Variants in PPHLN1 observed in about 807,000 individuals in gnomAD.
PPHLN1 encodes the protein periphilin 1, also known as periphilin-1.
Under a neutral mutation model 51.3 loss-of-function variants are expected in PPHLN1, and 29 were observed. The observed-to-expected ratio is 0.57, with a 90% CI of 0.42 to 0.77. The LOEUF is 0.77. PPHLN1 is among the 30% of genes least tolerant of loss of function. The pLI, the probability that PPHLN1 is intolerant of heterozygous loss-of-function variation, is 0.00. For missense variants in PPHLN1, 436 were observed against 438.4 expected, an observed-to-expected ratio of 0.99 and a Z score of 0.05; for synonymous variants, 147 against 147.8, an observed-to-expected ratio of 0.99 and a Z score of 0.04.
intron 9 of PPHLN1, among the ~76,000 whole-genome samples, chr12:42,423,492 T>C (rs970153456): frequency 3.5e-4 from 53 of 152,322 alleles, no homozygotes; most frequent in African/African-American, 1.2e-3. Context: ...TATTGTATGT[T>C]ACCTAATTGA....
At chr12:42,412,289 C>CT (rs113445601) in intron 9 of PPHLN1, among the ~76,000 whole-genome samples, 30,236 of 152,040 alleles carry the variant, frequency 0.2, 3,398 homozygotes, top group African/African-American at 0.3. Context: ...TTATACCACT[C>CT]TGTCTGCCTT....
chr12:42,382,944 T>G (rs1416308740), intron 5 of PPHLN1, among the ~76,000 whole-genome samples: 1 of 152,200 alleles, frequency 6.6e-6, no homozygotes, highest in Non-Finnish European at 1.5e-5. Context: ...CTATTATCTC[T>G]TGTTGTGTTA....
At chr12:42,396,530 C>T (rs1362141345) in intron 8 of PPHLN1, among the ~76,000 whole-genome samples, 1 of 141,604 alleles carries the variant, frequency 7.1e-6, no homozygotes, top group Non-Finnish European at 1.5e-5. Context: ...TTAGAATGTC[C>T]TGGTAGATGA....
chr12:42,358,858 G>C (rs1290668606), intron 4 of PPHLN1, among the ~76,000 whole-genome samples: 1 of 151,964 alleles, frequency 6.6e-6, no homozygotes, highest in Non-Finnish European at 1.5e-5. Flanking sequence ...TTACGAGATA[G>C]GTTACTAGAA....
At chr12:42,372,026 A>G (rs557480160) in intron 4 of PPHLN1, among the ~76,000 whole-genome samples, 2 of 151,562 alleles carry the variant, frequency 1.3e-5, no homozygotes, top group African/African-American at 4.8e-5. Context: ...TTTGGTCCTC[A>G]CCCCCTCTCA....
chr12:42,426,759 C>T (rs2081535009), intron 9 of PPHLN1, among the ~76,000 whole-genome samples: 1 of 152,198 alleles, frequency 6.6e-6, no homozygotes, highest in African/African-American at 2.4e-5. Context: ...GGTGGTGAGG[C>T]CTCCCTGAAT....
chr12:42,443,448 T>A (rs1441298893), downstream of PPHLN1: 2 of 152,216 alleles, frequency 1.3e-5, no homozygotes, highest in African/African-American at 2.4e-5. Context: ...GCAGACAACT[T>A]CCATATAACC....
intron 4 of PPHLN1, among the ~76,000 whole-genome samples, chr12:42,360,120 A>AAAAAAAG (rs1445470393): frequency 4.0e-5 from 6 of 151,148 alleles, no homozygotes; most frequent in African/African-American, 1.5e-4. Context: ...CAAAAAAAAA[A>AAAAAAAG]AAAGAAAAAT....
intron 2 of PPHLN1, among the ~76,000 whole-genome samples, chr12:42,338,785 G>A (rs1020728299): frequency 5.9e-5 from 9 of 152,122 alleles, no homozygotes; most frequent in South Asian, 2.1e-4. Context: ...TATGGGCCCC[G>A]TCTTAGATAA....
At chr12:42,434,751 C>T (rs1042476835) in intron 9 of PPHLN1, among the ~76,000 whole-genome samples, 15 of 152,118 alleles carry the variant, frequency 9.9e-5, no homozygotes, top group South Asian at 2.1e-4. Flanking sequence ...TGGAGTGCAA[C>T]GGCGCGATCT....
chr12:42,360,302 A>T (rs1411961597), intron 4 of PPHLN1, among the ~76,000 whole-genome samples: 1 of 150,196 alleles, frequency 6.7e-6, no homozygotes, highest in Non-Finnish European at 1.5e-5. Flanking sequence ...CTTGATTTTT[A>T]TGGTTTAGTG....
At chr12:42,396,196 C>T (rs887806345) in intron 8 of PPHLN1, among the ~76,000 whole-genome samples, 7 of 152,144 alleles carry the variant, frequency 4.6e-5, no homozygotes, top group East Asian at 3.9e-4. Flanking sequence ...ATATGTTCAT[C>T]GGTGTTCAGT....
chr12:42,334,552 A>G (rs2070300731), intron 1 of PPHLN1, among the ~76,000 whole-genome samples: 1 of 152,180 alleles, frequency 6.6e-6, no homozygotes, highest in Non-Finnish European at 1.5e-5. Flanking sequence ...GTCAAAATGG[A>G]GTAGCTATCT....
chr12:42,349,551 G>GCGGCCTTC (rs1555184458), intron 2 of PPHLN1, among the ~76,000 whole-genome samples: 1 of 150,978 alleles, frequency 6.6e-6, no homozygotes, highest in South Asian at 2.1e-4. Flanking sequence ...AGAGGACCCT[G>GCGGCCTTC]CGGCCTTCCG....
At chr12:42,423,659 G>A (rs2081188646) in intron 9 of PPHLN1, among the ~76,000 whole-genome samples, 1 of 150,776 alleles carries the variant, frequency 6.6e-6, no homozygotes, top group African/African-American at 2.4e-5. Context: ...ATTAGTAATT[G>A]TTTAGCTTTT....
At chr12:42,388,612 T>C (rs2077401246) in intron 7 of PPHLN1, among the ~76,000 whole-genome samples, 2 of 152,128 alleles carry the variant, frequency 1.3e-5, no homozygotes, top group Admixed American at 1.3e-4. Flanking sequence ...CCCACTTTTC[T>C]TTCTCTATAC....
At chr12:42,426,228 A>ACACACACACACACACACCC (rs371819974) in intron 9 of PPHLN1, among the ~76,000 whole-genome samples, 1 of 129,788 alleles carries the variant, frequency 7.7e-6, no homozygotes, top group African/African-American at 3.3e-5. Flanking sequence ...ACACACACAC[A>ACACACACACACACACACCC]CCCTCATGCA....
intron 9 of PPHLN1, among the ~76,000 whole-genome samples, chr12:42,435,848 C>T (rs890159937): frequency 1.3e-5 from 2 of 152,202 alleles, no homozygotes; most frequent in South Asian, 4.1e-4. Context: ...CTTCTTTTTA[C>T]TCCTCAGTCC....
At chr12:42,344,210 C>T (rs60184016) in intron 2 of PPHLN1, among the ~76,000 whole-genome samples, 22,877 of 152,122 alleles carry the variant, frequency 0.15, 1,783 homozygotes, top group Admixed American at 0.2. Flanking sequence ...TGTAGGCTTA[C>T]ATTTGCATTG....
Sources: allele counts gnomAD v4.1 joint callset (sites outside exome capture counted in the v4.1 genomes callset), GRCh38; gene constraint gnomAD v4.1.1; transcripts MANE v1.5; gene names NCBI Gene and HGNC (gene_info 2026-07-23, HGNC 2026-07-21).